The following SLC2A13 variants were observed in gnomAD, a reference collection of about 807,000 sequenced individuals.
The protein encoded by SLC2A13 is solute carrier family 2 member 13.
Under a neutral mutation model 64.4 loss-of-function variants are expected in SLC2A13, and 32 were observed. The observed-to-expected ratio is 0.50, with a 90% confidence interval of 0.37 to 0.67. The LOEUF is 0.67. Ranked by LOEUF, SLC2A13 falls within the 30% of genes least tolerant of loss-of-function variation. The pLI, the probability that SLC2A13 is intolerant of heterozygous loss-of-function variation, is 0.00. For synonymous variants in SLC2A13, 338 were observed against 327.1 expected, an observed-to-expected ratio of 1.03 and a Z score of -0.36; for missense variants, 743 against 829.2, an observed-to-expected ratio of 0.90 and a Z score of 1.28.
intron 3 of SLC2A13, among the ~76,000 whole-genome samples, chr12:39,972,536 A>G (rs904092858): frequency 1.6e-4 from 25 of 152,070 alleles, no homozygotes; most frequent in Non-Finnish European, 1.0e-4. Flanking sequence ...CAACCTCTCT[A>G]TGTTGGATGT....
At chr12:39,789,986 A>T (rs565134970) in intron 7 of SLC2A13, among the ~76,000 whole-genome samples, 2 of 152,140 alleles carry the variant, frequency 1.3e-5, no homozygotes, top group African/African-American at 4.8e-5. Context: ...ATTTTCTAGT[A>T]GCCACATTCA....
chr12:39,829,866 A>G, intron 7 of SLC2A13: 1 of 522,696 alleles, frequency 1.9e-6, no homozygotes, highest in Non-Finnish European at 3.4e-6. Context: ...CCAAACTCCT[A>G]TACCTTATTA....
chr12:40,075,728 A>C (rs17489466), intron 1 of SLC2A13, among the ~76,000 whole-genome samples: 5 of 152,158 alleles, frequency 3.3e-5, no homozygotes, highest in African/African-American at 1.2e-4. Flanking sequence ...TTATGCTGAC[A>C]CAAATGTTAG....
At chr12:40,087,712 G>A (rs1021410722) in intron 1 of SLC2A13, among the ~76,000 whole-genome samples, 3 of 152,118 alleles carry the variant, frequency 2.0e-5, no homozygotes, top group East Asian at 1.9e-4. Context: ...AACACTACCA[G>A]GAGGTTACAT....
intron 4 of SLC2A13, among the ~76,000 whole-genome samples, chr12:39,946,640 G>T (rs539167311): frequency 7.2e-5 from 11 of 152,110 alleles, no homozygotes; most frequent in Admixed American, 4.6e-4. Flanking sequence ...CAGGGAAGTG[G>T]GTGAAAGCTG....
intron 7 of SLC2A13, among the ~76,000 whole-genome samples, chr12:39,813,383 T>C (rs907924032): frequency 6.6e-6 from 1 of 152,070 alleles, no homozygotes; most frequent in African/African-American, 2.4e-5. Context: ...ATAACAAACT[T>C]TCAACAACTG....
intron 1 of SLC2A13, among the ~76,000 whole-genome samples, chr12:40,078,331 C>T (rs1276815189): frequency 5.3e-5 from 8 of 152,142 alleles, no homozygotes; most frequent in Non-Finnish European, 1.0e-4. Context: ...TCCTTCAATG[C>T]CTACTTTGTT....
chr12:39,977,356 C>T (rs1946781406), intron 3 of SLC2A13, among the ~76,000 whole-genome samples: 1 of 152,218 alleles, frequency 6.6e-6, no homozygotes, highest in Non-Finnish European at 1.5e-5. Flanking sequence ...TCTCTGATCT[C>T]TTTCAGCCAT....
chr12:39,884,421 T>C (rs149312310), intron 4 of SLC2A13, among the ~76,000 whole-genome samples: 70 of 152,356 alleles, frequency 4.6e-4, no homozygotes, highest in African/African-American at 1.6e-3. Flanking sequence ...TACCTCTGGT[T>C]GCCTAAAACA....
intron 6 of SLC2A13, among the ~76,000 whole-genome samples, chr12:39,857,781 G>A (rs761133926): frequency 9.2e-5 from 14 of 152,102 alleles, no homozygotes; most frequent in Non-Finnish European, 1.6e-4. Flanking sequence ...TTGCTTGCTC[G>A]TTATGACCCA....
At chr12:40,062,198 C>G (rs1948434555) in intron 1 of SLC2A13, among the ~76,000 whole-genome samples, 1 of 151,924 alleles carries the variant, frequency 6.6e-6, no homozygotes, top group Non-Finnish European at 1.5e-5. Flanking sequence ...CAAAAATAAG[C>G]TTATTAAGTT....
chr12:39,955,596 A>G (rs1946301643), intron 3 of SLC2A13, among the ~76,000 whole-genome samples: 1 of 152,194 alleles, frequency 6.6e-6, no homozygotes, highest in African/African-American at 2.4e-5. Context: ...AAACATATTC[A>G]CATCCTAATC....
intron 7 of SLC2A13, among the ~76,000 whole-genome samples, chr12:39,825,371 T>C (rs1000369277): frequency 1.3e-5 from 2 of 152,126 alleles, no homozygotes; most frequent in African/African-American, 4.8e-5. Flanking sequence ...AACTTAGAAA[T>C]TGGAAACTAT....
intron 4 of SLC2A13, chr12:39,907,841 C>A (rs761565295): frequency 6.6e-6 from 1 of 152,180 alleles, no homozygotes; most frequent in Non-Finnish European, 1.5e-5. Flanking sequence ...TCATTCTGAG[C>A]GTTCTTGCCT....
chr12:39,771,596 CA>C (rs1421399778), intron 7 of SLC2A13, among the ~76,000 whole-genome samples: 1 of 152,168 alleles, frequency 6.6e-6, no homozygotes, highest in East Asian at 1.9e-4. Context: ...AGGCCCTAAG[CA>C]GAGGACACAC....
At chr12:39,763,158 A>C (rs771400276) in intron 9 of SLC2A13, among the ~76,000 whole-genome samples, 4 of 152,070 alleles carry the variant, frequency 2.6e-5, no homozygotes, top group Non-Finnish European at 5.9e-5. Context: ...GAATTTATCG[A>C]AAAATTTTAA....
chr12:40,095,425 A>AT (rs2136301589), intron 1 of SLC2A13, among the ~76,000 whole-genome samples: 1 of 152,258 alleles, frequency 6.6e-6, no homozygotes, highest in African/African-American at 2.4e-5. Flanking sequence ...TCCAGCTGTA[A>AT]TTTTTTAGGT....
intron 4 of SLC2A13, among the ~76,000 whole-genome samples, chr12:39,903,935 T>A (rs1277063685): frequency 6.6e-6 from 1 of 152,078 alleles, no homozygotes; most frequent in Non-Finnish European, 1.5e-5. Context: ...ATATTTGGAC[T>A]AAAGAACAAC....
At chr12:39,895,657 C>T (rs1182555779) in intron 4 of SLC2A13, among the ~76,000 whole-genome samples, 2 of 68,130 alleles carry the variant, frequency 2.9e-5, no homozygotes, top group Non-Finnish European at 6.6e-5. Flanking sequence ...TACGTACACA[C>T]ATATGTATAT....
Sources: gnomAD v4.1 joint callset for allele counts (sites outside exome capture counted in the v4.1 genomes callset) on GRCh38, gnomAD v4.1.1 for gene constraint, MANE v1.5 for transcripts, NCBI Gene and HGNC (gene_info 2026-07-23, HGNC 2026-07-21) for gene names.